The following RNF214 variants were observed in gnomAD, a reference collection of about 807,000 sequenced individuals.
RNF214 encodes ring finger protein 214.
A neutral mutation model predicts 75.9 loss-of-function variants in RNF214; 25 were observed. That is an observed-to-expected ratio of 0.33 (90% CI 0.24 to 0.46). The LOEUF is 0.46. RNF214 is among the 20% of genes least tolerant of loss of function. RNF214 has a pLI of 1.00. For missense variants in RNF214, 725 were observed against 857.5 expected, an observed-to-expected ratio of 0.85 and a Z score of 1.93; for synonymous variants, 314 against 308.8, an observed-to-expected ratio of 1.02 and a Z score of -0.18.
At chr11:117,279,534 A>G (rs1175909470) in intron 6 of RNF214, among the ~76,000 whole-genome samples, 1 of 151,870 alleles carries the variant, frequency 6.6e-6, no homozygotes, top group African/African-American at 2.4e-5. Flanking sequence ...ATGGGGTTTC[A>G]CCACGCTGGC....
At chr11:117,245,370 C>T (rs1228441024) in intron 5 of RNF214, among the ~76,000 whole-genome samples, 3 of 148,716 alleles carry the variant, frequency 2.0e-5, no homozygotes, top group African/African-American at 7.4e-5. Context: ...GACGGAGTCT[C>T]GCTCTGTCAC....
chr11:117,272,602 A>C (rs543007345), intron 6 of RNF214, among the ~76,000 whole-genome samples: 5 of 152,052 alleles, frequency 3.3e-5, no homozygotes, highest in African/African-American at 1.2e-4. Flanking sequence ...CTTAAAGTAA[A>C]ATTAAAATTT....
intron 6 of RNF214, chr11:117,263,931 T>C: frequency 4.6e-6 from 1 of 218,278 alleles, no homozygotes. Flanking sequence ...AATAGAGCTG[T>C]CCCAAGGCAC....
chr11:117,285,053 A>G (rs780221823), intron 14 of RNF214, 33 bp from the exon 15 acceptor site: 1 of 1,521,156 alleles, frequency 6.6e-7, no homozygotes, highest in South Asian at 1.1e-5. Context: ...GTTTTTCCAG[A>G]TAAACCTGAG....
intron 4 of RNF214, among the ~76,000 whole-genome samples, chr11:117,241,135 G>A (rs754165559): frequency 1.1e-4 from 16 of 152,090 alleles, no homozygotes; most frequent in African/African-American, 3.1e-4. Context: ...ACCCGAGATC[G>A]TACCACTGCA....
Position 117,249,346 on chromosome 11 carries a change from T to G in RNF214, c.959+2398T>G, listed in dbSNP as rs561582675. ...TTGAATTGCTACAGATGGTGATTGA[T>G]ACTAATAATTTTGGTGTTTGTGTTC... On this transcript the variant is annotated intron_variant, in intron 6 of 14. Transcript: ENST00000300650. 1.8e-4 allele frequency among the ~76,000 whole-genome samples: 27 copies of G among 152,350 alleles called. No homozygotes were observed. The South Asian group carries it at 5.6e-3, about 32-fold the overall frequency.
At chr11:117,273,933 A>G (rs1186115436) in intron 6 of RNF214, among the ~76,000 whole-genome samples, 1 of 152,172 alleles carries the variant, frequency 6.6e-6, no homozygotes, top group Non-Finnish European at 1.5e-5. Context: ...AATATCTTAA[A>G]GGGAAAACTT....
chr11:117,239,244 A>G (rs1368151456), intron 3 of RNF214, 133 bp downstream of exon 3: 3 of 818,030 alleles, frequency 3.7e-6, no homozygotes, highest in African/African-American at 1.7e-5. Flanking sequence ...AGCAACCATC[A>G]TACTACTCTC....
At chr11:117,258,091 T>C (rs1179395733) in intron 6 of RNF214, among the ~76,000 whole-genome samples, 2 of 151,956 alleles carry the variant, frequency 1.3e-5, no homozygotes, top group Non-Finnish European at 2.9e-5. Context: ...TTTTCTTTTT[T>C]TTTTTCTTTT....
At chr11:117,261,212 ATTCTAT>A (rs1311136271) in intron 6 of RNF214, among the ~76,000 whole-genome samples, 1 of 152,186 alleles carries the variant, frequency 6.6e-6, no homozygotes, top group Non-Finnish European at 1.5e-5. Flanking sequence ...AAGAAGTTAC[ATTCTAT>A]TTCTAATTAT....
intron 5 of RNF214, among the ~76,000 whole-genome samples, chr11:117,245,465 A>G (rs188098319): frequency 0.019 from 2,880 of 150,232 alleles, 98 homozygotes; most frequent in African/African-American, 0.066. Flanking sequence ...TCAGCCTCCC[A>G]AGTAGCTGGG....
Position 117,282,401 on chromosome 11 carries a change from C to A in RNF214, c.1713-3C>A. The A allele has an allele frequency of 6.2e-7, 1 of 1,609,884 alleles. No individual in the cohort carries two copies. The highest frequency in any genetic ancestry group is 8.5e-7 in the Non-Finnish European group (1 of 1,178,522). ...TCTCTCCCTCAACATTTTTTTTCCT[C>A]AGGGCCCAGATGACCAACATTCTTC... On this transcript the variant is annotated splice_region_variant and splice_polypyrimidine_tract_variant and intron_variant, in intron 11 of 14. Coordinates refer to ENST00000300650, the MANE Select transcript of RNF214 (RefSeq NM_207343.4).
intron 6 of RNF214, among the ~76,000 whole-genome samples, chr11:117,260,152 A>G (rs2033623118): frequency 1.3e-5 from 2 of 151,442 alleles, no homozygotes; most frequent in African/African-American, 2.4e-5. Context: ...AGGTCTCACT[A>G]TGATGCCCAG....
rs1190456742 is a variant in RNF214 at position 117,286,246 on chromosome 11, A to G, written c.*1095A>G. ...ATATTAAGAAAGTAGTTTGGATTTCAAATTTATAAATCACTTGCTCTGTGG... is the reference window on the plus strand; with the variant it reads ...ATATTAAGAAAGTAGTTTGGATTTCGAATTTATAAATCACTTGCTCTGTGG... On this transcript the variant is annotated 3_prime_UTR_variant, in exon 15 of 15. Coordinates refer to ENST00000300650, the MANE Select transcript of RNF214 (RefSeq NM_207343.4). 1 of 152,500 alleles carries G rather than the reference A, an allele frequency of 6.6e-6. No homozygotes were observed. Among genetic ancestry groups the G allele is most frequent in the Non-Finnish European group, 1.5e-5 (1 of 68,042 alleles). 9.4% of individuals were successfully genotyped at this position (152,500 alleles called of 1,614,324 possible).
At chr11:117,235,708 G>A (rs911017405) in intron 2 of RNF214, among the ~76,000 whole-genome samples, 145 of 152,102 alleles carry the variant, frequency 9.5e-4, no homozygotes, top group African/African-American at 3.3e-3. Context: ...GTTTTGCCAC[G>A]TTGGCCAGAC....
At chr11:117,249,819 G>A (rs2033322611) in intron 6 of RNF214, among the ~76,000 whole-genome samples, 1 of 152,150 alleles carries the variant, frequency 6.6e-6, no homozygotes, top group Non-Finnish European at 1.5e-5. Flanking sequence ...TATTGGATTA[G>A]GTTCCCACTT....
At chr11:117,247,856 C>CA (rs769342396) in intron 6 of RNF214, among the ~76,000 whole-genome samples, 5,119 of 59,540 alleles carry the variant, frequency 0.086, 112 homozygotes, top group South Asian at 0.15. Context: ...GACCCTGTCT[C>CA]AAAAAAAAAA....
chr11:117,250,606 T>TTA (rs1555053694), intron 6 of RNF214, among the ~76,000 whole-genome samples: 22 of 10,150 alleles, frequency 2.2e-3, no homozygotes, highest in East Asian at 0.045. Context: ...TATTTATTTA[T>TTA]TTATTTTTTT....
chr11:117,279,987 C>T lies in RNF214; in HGVS notation c.1039C>T (p.Arg347Trp). ...INRNIMEETERAWKAEILSLE... is the reference protein window; with the variant it reads ...INRNIMEETEWAWKAEILSLE... ...TAGGAACATTATGGAAGAGACTGAACGGGCCTGGAAGGCAGAGGTGAGAAG... is the reference window on the plus strand; with the variant it reads ...TAGGAACATTATGGAAGAGACTGAATGGGCCTGGAAGGCAGAGGTGAGAAG... The change falls in exon 7 of 15, where the codon CGG (arginine) becomes TGG (tryptophan). Residue 347 changes from arginine (R) to tryptophan (W), a missense_variant. Arg to Trp is a moderately radical substitution (Grantham distance 101). This residue lies in a region of RNF214 where 363 missense variants were observed against 513.0 expected (regional missense o/e 0.71). Transcript: ENST00000300650. 6.2e-7 allele frequency: 1 copy of T among 1,612,484 alleles called. No homozygotes were observed. Among genetic ancestry groups the T allele is most frequent in the Non-Finnish European group, 8.5e-7 (1 of 1,179,114 alleles).
Sources: gnomAD v4.1 joint callset for allele counts (sites outside exome capture counted in the v4.1 genomes callset) on GRCh38, gnomAD v4.1.1 for gene constraint, gnomAD v4.1.1 regional missense constraint, MANE v1.5 for transcripts, NCBI Gene and HGNC (gene_info 2026-07-23, HGNC 2026-07-21) for gene names.